Variants in LAMC2 observed in about 807,000 individuals in gnomAD.
The protein encoded by LAMC2 is laminin subunit gamma-2.
In LAMC2, 97 loss-of-function variants were observed where a neutral mutation model predicts 140.2. That is an observed-to-expected ratio of 0.69 (90% CI 0.59 to 0.82). The LOEUF is 0.82. Ranked by LOEUF, LAMC2 falls within the 40% of genes least tolerant of loss-of-function variation. The pLI is 0.00. For missense variants in LAMC2, 1,402 were observed against 1,476.1 expected (o/e 0.95, Z 0.82); for synonymous variants, 513 against 540.2 (o/e 0.95, Z 0.70).
intron 16 of LAMC2, among the ~76,000 whole-genome samples, chr1:183,236,187 T>C (rs1472494681): frequency 6.6e-6 from 1 of 151,958 alleles, no homozygotes; most frequent in Non-Finnish European, 1.5e-5. Flanking sequence ...TTATTCTAAC[T>C]ACATACTTTC....
chr1:183,197,786 G>A (rs1373148756), intron 1 of LAMC2, among the ~76,000 whole-genome samples: 2 of 152,156 alleles, frequency 1.3e-5, no homozygotes, highest in African/African-American at 2.4e-5. Flanking sequence ...AAGTATCTTC[G>A]GATGTCAACA....
At position 183,244,890 on chromosome 1, in the gene LAMC2, C is replaced by T. The variant is rs1033606500; in HGVS notation, c.*1490C>T. The T allele has an allele frequency of 5.3e-5, 8 of 152,280 alleles. No homozygotes were observed. The highest frequency in any genetic ancestry group is 1.9e-4 in the African/African-American group (8 of 41,428). The allele number at this position is 152,280 out of a possible 1,614,324, so 9.4% of individuals were successfully genotyped here. ...CCTGAAAGTGTTTTTAAATAAAGAA[C>T]AATTGTTAGATGCCTGGGGTCAGTT... On this transcript the variant is annotated 3_prime_UTR_variant, in exon 23 of 23. Transcript: ENST00000264144.
intron 1 of LAMC2, among the ~76,000 whole-genome samples, chr1:183,198,308 A>AT (rs1368223945): frequency 6.6e-6 from 1 of 151,580 alleles, no homozygotes; most frequent in Non-Finnish European, 1.5e-5. Flanking sequence ...CACCCGGCTA[A>AT]TTTTTTTGTG....
At chr1:183,201,788 C>G (rs1203405153) in intron 1 of LAMC2, among the ~76,000 whole-genome samples, 1 of 152,082 alleles carries the variant, frequency 6.6e-6, no homozygotes, top group African/African-American at 2.4e-5. Context: ...ATTATAAAAG[C>G]TCTAAGGTGA....
chr1:183,235,065 G>A (rs373647124), intron 15 of LAMC2, among the ~76,000 whole-genome samples: 1 of 152,126 alleles, frequency 6.6e-6, no homozygotes. Context: ...GCTGCCTCCT[G>A]AGCTCGTTTT....
intron 12 of LAMC2, among the ~76,000 whole-genome samples, 169 bp downstream of exon 12, chr1:183,231,272 A>C (rs576888872): frequency 6.6e-6 from 1 of 152,300 alleles, no homozygotes; most frequent in East Asian, 1.9e-4. Flanking sequence ...CTGTATAATG[A>C]TAATACTTCA....
chr1:183,207,443 A>G (rs938329024), intron 1 of LAMC2, among the ~76,000 whole-genome samples: 4 of 152,206 alleles, frequency 2.6e-5, no homozygotes, highest in African/African-American at 9.7e-5. Context: ...CAGCGACACC[A>G]TCGGCTAATA....
the LAMC2 span, among the ~76,000 whole-genome samples, chr1:183,255,790 AG>A: frequency 6.6e-6 from 1 of 151,386 alleles, no homozygotes; most frequent in African/African-American, 2.4e-5. Context: ...CGGCCTCCCG[AG>A]TAGCTCGGAT....
downstream of LAMC2, among the ~76,000 whole-genome samples, chr1:183,246,318 C>G (rs542100664): frequency 2.0e-5 from 3 of 152,184 alleles, no homozygotes; most frequent in Non-Finnish European, 2.9e-5. Context: ...GAAAAGTTAT[C>G]CCTTAGAAGA....
At position 183,193,348 on chromosome 1, in the gene LAMC2, G is replaced by A. The variant is rs139390712; in HGVS notation, c.79+6917G>A. Among the ~76,000 whole-genome samples, 759 of 152,252 alleles carry A rather than the reference G, an allele frequency of 5.0e-3. 18 individuals carry two copies. The highest frequency in any genetic ancestry group is 0.017 in the African/African-American group (704 of 41,534). ...TACTGTGATAAGACTTTCTCTTTTAGCAATCATTGTTCTTTAATGACTGTT... is the reference window on the plus strand; with the variant it reads ...TACTGTGATAAGACTTTCTCTTTTAACAATCATTGTTCTTTAATGACTGTT... On this transcript the variant is annotated intron_variant, in intron 1 of 22. Transcript: ENST00000264144.
At chr1:183,235,257 G>A (rs1486570003) in intron 15 of LAMC2, among the ~76,000 whole-genome samples, 1 of 152,136 alleles carries the variant, frequency 6.6e-6, no homozygotes, top group Non-Finnish European at 1.5e-5. Context: ...GTTTCTTCCT[G>A]CAGCAAACAG....
intron 12 of LAMC2, among the ~76,000 whole-genome samples, 192 bp from the exon 13 acceptor site, chr1:183,231,995 A>C (rs1659813261): frequency 6.6e-6 from 1 of 152,226 alleles, no homozygotes; most frequent in African/African-American, 2.4e-5. Flanking sequence ...GCCCAAGGTC[A>C]TACAGCTAGT....
the LAMC2 span, chr1:183,251,165 C>T: frequency 1.3e-5 from 2 of 152,172 alleles, no homozygotes; most frequent in Non-Finnish European, 2.9e-5. Context: ...AACTTAGTGG[C>T]TCCTGACCCC....
At chr1:183,223,378 A>C in intron 7 of LAMC2, 54 bp downstream of exon 7, 1 of 1,516,012 alleles carries the variant, frequency 6.6e-7, no homozygotes, top group Non-Finnish European at 9.2e-7. Context: ...ATTGAAGTTC[A>C]AGTTTGTTCT....
At chr1:183,194,339 T>C (rs1430852896) in intron 1 of LAMC2, among the ~76,000 whole-genome samples, 1 of 152,120 alleles carries the variant, frequency 6.6e-6, no homozygotes, top group Non-Finnish European at 1.5e-5. Flanking sequence ...TGAATTACCA[T>C]TGTTCTTTTG....
the LAMC2 span, chr1:183,252,774 C>T: frequency 6.6e-7 from 1 of 1,521,380 alleles, no homozygotes. Context: ...ATCAGATGGA[C>T]ATCCACACCC....
rs570876637 is a variant in LAMC2, at chr1:183,220,973, T to C, written c.640+12T>C. The stretch of plus-strand genomic sequence containing the variant: ...TACCTTTCATCAAGGTAAAGCCTTC[T>C]ATTTTCTAGGTTTTAGTTTTTTAAT... On this transcript the variant is annotated intron_variant, in intron 5 of 22. Coordinates refer to ENST00000264144, the MANE Select transcript of LAMC2 (RefSeq NM_005562.3). 1.9e-5 allele frequency: 30 copies of C among 1,613,788 alleles called. No homozygotes were observed. In the South Asian group the frequency reaches 3.0e-4, roughly 16 times the overall value.
At chr1:183,206,945 C>T (rs139513566) in intron 1 of LAMC2, among the ~76,000 whole-genome samples, 1 of 152,294 alleles carries the variant, frequency 6.6e-6, no homozygotes, top group East Asian at 1.9e-4. Flanking sequence ...TGAGGCAGTA[C>T]GTGTTTCATG....
chr1:183,232,778 A>G lies in LAMC2; in HGVS notation c.2141A>G (p.Asn714Ser), dbSNP rs1659839670. Reference protein sequence around the residue: ...RVRALGSQYQNRVRDTHRLIT... With the variant: ...RVRALGSQYQSRVRDTHRLIT... Reference sequence around the variant, plus strand: ...CGGGCTCTGGGAAGTCAGTACCAGAACCGAGTTCGGGATACTCACAGGCTC... The same window carrying G: ...CGGGCTCTGGGAAGTCAGTACCAGAGCCGAGTTCGGGATACTCACAGGCTC... The change falls in exon 14 of 23, where the codon AAC becomes AGC. Residue 714 changes from asparagine (N) to serine (S), a missense_variant. By Grantham distance (46) the Asn-to-Ser change is conservative. This residue lies in a region of LAMC2 where 670 missense variants were observed against 667.2 expected (regional missense o/e 1.00). Transcript: ENST00000264144. The G allele has an allele frequency of 6.2e-7, 1 of 1,614,106 alleles. No individual in the cohort carries two copies. The highest frequency in any genetic ancestry group is 8.5e-7 in the Non-Finnish European group (1 of 1,179,974).
Sources: allele counts gnomAD v4.1 joint callset (sites outside exome capture counted in the v4.1 genomes callset), GRCh38; gene constraint gnomAD v4.1.1; regional missense constraint gnomAD v4.1.1; transcripts MANE v1.5; gene names NCBI Gene and HGNC (gene_info 2026-07-23, HGNC 2026-07-21).